The following CNTNAP4 variants were observed in gnomAD, a reference collection of about 807,000 sequenced individuals.
CNTNAP4 encodes contactin associated protein family member 4.
In CNTNAP4, 98 loss-of-function variants were observed where a neutral mutation model predicts 148.4. The observed-to-expected ratio is 0.66, with a 90% CI of 0.56 to 0.78. CNTNAP4 has a LOEUF of 0.78. Ranked by LOEUF, CNTNAP4 falls within the 30% of genes least tolerant of loss-of-function variation. The pLI is 0.00. For missense variants in CNTNAP4, 1,935 were observed against 1,565.6 expected (o/e 1.24, Z -3.98); for synonymous variants, 730 against 565.1 (o/e 1.29, Z -4.14).
intron 1 of CNTNAP4, among the ~76,000 whole-genome samples, chr16:76,292,390 T>C (rs1597097523): frequency 1.3e-5 from 2 of 152,142 alleles, no homozygotes; most frequent in Admixed American, 1.3e-4. Context: ...ATCTCAGAAG[T>C]GCATCTGTCA....
chr16:76,413,469 C>T (rs62051223), intron 3 of CNTNAP4, among the ~76,000 whole-genome samples: 52,811 of 150,976 alleles, frequency 0.35, 10,880 homozygotes, highest in Non-Finnish European at 0.44. Context: ...GAATCTGTTT[C>T]TGGATTCTCT....
intron 2 of CNTNAP4, among the ~76,000 whole-genome samples, chr16:76,326,245 G>T (rs1162601132): frequency 6.6e-6 from 1 of 152,160 alleles, no homozygotes; most frequent in Non-Finnish European, 1.5e-5. Context: ...TAGCGTACAT[G>T]TGTGAAGGGC....
intron 23 of CNTNAP4, 94 bp downstream of exon 23, chr16:76,554,001 A>G: frequency 2.6e-6 from 2 of 767,502 alleles, no homozygotes; most frequent in Non-Finnish European, 4.3e-6. Context: ...GAATCTGCAC[A>G]TACTCCAAGT....
At position 76,558,660 on chromosome 16, in the gene CNTNAP4, A is replaced by T. The variant is rs2085295603; in HGVS notation, c.3904A>T (p.Asn1302Tyr). ...TAATATACAAAATGCAGTCAATGAA[A>T]ATCAGAAAGAGTACTTCTTCTGATT... ...ELNIQNAVNE[N>Y]QKEYFF The change falls in exon 24 of 24, where the codon AAT (asparagine) becomes TAT (tyrosine). Residue 1302 changes from asparagine to tyrosine, a missense_variant. By Grantham distance (143) the Asn-to-Tyr change is moderately radical. Coordinates refer to ENST00000611870, the MANE Select transcript of CNTNAP4 (RefSeq NM_033401.5). 1.2e-6 allele frequency: 2 copies of T among 1,609,372 alleles called. No individual in the cohort carries two copies. The highest frequency in any genetic ancestry group is 2.2e-5 in the South Asian group (2 of 89,874).
At chr16:76,295,320 G>T (rs894754361) in intron 1 of CNTNAP4, among the ~76,000 whole-genome samples, 2 of 152,308 alleles carry the variant, frequency 1.3e-5, no homozygotes, top group African/African-American at 4.8e-5. Context: ...TTCAGAAGTG[G>T]CCAGGTCATG....
At chr16:76,556,607 C>T (rs2085209037) in intron 23 of CNTNAP4, among the ~76,000 whole-genome samples, 1 of 152,152 alleles carries the variant, frequency 6.6e-6, no homozygotes, top group African/African-American at 2.4e-5. Context: ...TGTTCAGAAT[C>T]TTTCTCTTCA....
chr16:76,372,439 T>C (rs527837088), intron 3 of CNTNAP4, among the ~76,000 whole-genome samples: 3 of 152,108 alleles, frequency 2.0e-5, no homozygotes, highest in Admixed American at 6.6e-5. Context: ...TGGGCCACCG[T>C]GCCCTGCTGG....
chr16:76,548,295 C>CATTTTTTTT lies in CNTNAP4; in HGVS notation c.3443-4988_3443-4987insATTTTTTTT, dbSNP rs759580311. On this transcript the variant is annotated intron_variant, in intron 21 of 23. Transcript: ENST00000611870. Reference sequence around the variant, plus strand: ...CCCTGGCTCTCTTGATTCACTGCACCTTTTTTTTTTTTTTTTTTTTTTTTG... The same window carrying CATTTTTTTT: ...CCCTGGCTCTCTTGATTCACTGCACCATTTTTTTTTTTTTTTTTTTTTTTTTTTTTTTTG... 2.3e-4 allele frequency among the ~76,000 whole-genome samples: 21 copies of CATTTTTTTT among 92,934 alleles called. 8 individuals carry two copies. The highest frequency in any genetic ancestry group is 7.2e-4 in the East Asian group (2 of 2,768). 61.0% of individuals were successfully genotyped at this position (92,934 alleles called of 152,430 possible). A position where few individuals can be genotyped will look rare whatever the true frequency, so the allele number is the denominator to read the frequency against.
intron 1 of CNTNAP4, among the ~76,000 whole-genome samples, chr16:76,294,158 TGGTGA>T (rs1436114814): frequency 6.6e-6 from 1 of 152,094 alleles, no homozygotes; most frequent in Non-Finnish European, 1.5e-5. Context: ...CCAGTCAGGG[TGGTGA>T]GGTACGATGA....
At chr16:76,321,802 A>ACCG (rs1962447169) in intron 2 of CNTNAP4, among the ~76,000 whole-genome samples, 1 of 147,930 alleles carries the variant, frequency 6.8e-6, no homozygotes, top group Admixed American at 6.9e-5. Context: ...AAAAAAAAAA[A>ACCG]AAAAACTTTA....
rs182202511 is a variant in CNTNAP4, at chr16:76,293,870, T to A, written c.85+16123T>A. Among the ~76,000 whole-genome samples, 532 of 151,684 alleles carry A rather than the reference T, an allele frequency of 3.5e-3. 5 individuals carry two copies. The highest frequency in any genetic ancestry group is 0.013 in the African/African-American group (524 of 41,296). On this transcript the variant is annotated intron_variant, in intron 1 of 23. Coordinates refer to ENST00000611870, the MANE Select transcript of CNTNAP4 (RefSeq NM_033401.5). ...GATATAATTGATGCCCGTGACTGAA[T>A]GTAGCATTTTTAGTAGTGTGGTTTG...
chr16:76,513,335 T>C (rs1386217261), intron 15 of CNTNAP4, among the ~76,000 whole-genome samples: 1 of 152,014 alleles, frequency 6.6e-6, no homozygotes, highest in Non-Finnish European at 1.5e-5. Flanking sequence ...TGTGAAGTAA[T>C]CCTCTAAGAG....
chr16:76,535,264 A>G (rs990863536), intron 17 of CNTNAP4, among the ~76,000 whole-genome samples: 1 of 152,194 alleles, frequency 6.6e-6, no homozygotes, highest in African/African-American at 2.4e-5. Context: ...TGTCACTGTT[A>G]TTTTCAATGA....
intron 4 of CNTNAP4, among the ~76,000 whole-genome samples, chr16:76,434,106 TTG>T (rs2079720736): frequency 6.7e-6 from 1 of 148,878 alleles, no homozygotes; most frequent in Non-Finnish European, 1.5e-5. Flanking sequence ...TAAGATACAT[TTG>T]TATAATTAAA....
chr16:76,340,577 C>T (rs1231583472), intron 2 of CNTNAP4, among the ~76,000 whole-genome samples: 1 of 152,130 alleles, frequency 6.6e-6, no homozygotes, highest in Non-Finnish European at 1.5e-5. Context: ...ATCACCAAGT[C>T]CTGCCAATTC....
chr16:76,545,885 A>G (rs1210549911), intron 21 of CNTNAP4, among the ~76,000 whole-genome samples: 1 of 152,074 alleles, frequency 6.6e-6, no homozygotes, highest in Non-Finnish European at 1.5e-5. Flanking sequence ...AAATACAAAA[A>G]TTAGCCGGGC....
intron 1 of CNTNAP4, among the ~76,000 whole-genome samples, chr16:76,287,283 G>T (rs994183837): frequency 6.6e-6 from 1 of 152,098 alleles, no homozygotes; most frequent in African/African-American, 2.4e-5. Context: ...ATACATACTA[G>T]GGGAATGGAA....
At chr16:76,360,761 T>G (rs761426677) in intron 3 of CNTNAP4, among the ~76,000 whole-genome samples, 4 of 152,088 alleles carry the variant, frequency 2.6e-5, no homozygotes, top group Non-Finnish European at 5.9e-5. Context: ...AGCTCCACAT[T>G]CTCTAGCTTT....
chr16:76,465,684 T>C (rs1349501497), intron 9 of CNTNAP4, among the ~76,000 whole-genome samples: 1 of 152,190 alleles, frequency 6.6e-6, no homozygotes. Flanking sequence ...TCAGAATACA[T>C]ACTGAGATTA....
Sources: allele counts gnomAD v4.1 joint callset (sites outside exome capture counted in the v4.1 genomes callset), GRCh38; gene constraint gnomAD v4.1.1; transcripts MANE v1.5; gene names NCBI Gene and HGNC (gene_info 2026-07-23, HGNC 2026-07-21).